CREM: variants seen among roughly 807,000 people sequenced by gnomAD.
CREM encodes cAMP responsive element modulator.
CREM carries 13 observed loss-of-function variants against 37.3 expected under a neutral mutation model. The ratio of observed to expected loss-of-function variants is 0.35; its 90% confidence interval spans 0.23 to 0.55. The LOEUF is 0.55. Ranked by LOEUF, CREM falls within the 20% of genes least tolerant of loss-of-function variation. CREM has a pLI of 0.88. For synonymous variants in CREM, 124 were observed against 120.2 expected (o/e 1.03, Z -0.21); for missense variants, 296 against 362.3 (o/e 0.82, Z 1.49).
chr10:35,180,129 T>A lies in CREM; in HGVS notation c.409+853T>A, dbSNP rs538785712. On this transcript the variant is annotated intron_variant, in intron 5 of 7. Transcript: ENST00000685392. ...ATGAAGTAAAGTGAGTTTTGTAAAC[T>A]CTGCTACCCTAGGTCCTCAAAGTAA... Among the ~76,000 whole-genome samples, 32 of 152,328 alleles carry A rather than the reference T, an allele frequency of 2.1e-4. No homozygotes were observed. The East Asian group carries it at 2.9e-3, about 14-fold the overall frequency.
At chr10:35,165,056 C>CAAAAAAAAAAA (rs60898349) in intron 3 of CREM, among the ~76,000 whole-genome samples, 6 of 74,846 alleles carry the variant, frequency 8.0e-5, no homozygotes, top group Admixed American at 1.6e-4. Context: ...GGCTCCATCT[C>CAAAAAAAAAAA]AAAAAAAAAA....
intron 5 of CREM, among the ~76,000 whole-genome samples, chr10:35,186,552 C>T (rs186696476): frequency 2.9e-4 from 43 of 149,288 alleles, no homozygotes; most frequent in Admixed American, 2.2e-3. Context: ...GACAAAATGG[C>T]AAAGGTTACA....
chr10:35,167,711 T>A (rs761778762), intron 3 of CREM: 4 of 1,613,214 alleles, frequency 2.5e-6, no homozygotes, highest in Non-Finnish European at 2.5e-6. Context: ...CTGTTTATAG[T>A]GGGATTTTTG....
chr10:35,179,380 G>A (rs769653394), intron 5 of CREM, 104 bp downstream of exon 5: 1 of 1,304,358 alleles, frequency 7.7e-7, no homozygotes, highest in South Asian at 1.6e-5. Flanking sequence ...ATTTTAAAAT[G>A]CATCATTAAT....
intron 2 of CREM, among the ~76,000 whole-genome samples, chr10:35,139,194 C>T (rs2091081070): frequency 6.6e-6 from 1 of 151,338 alleles, no homozygotes; most frequent in African/African-American, 2.4e-5. Flanking sequence ...AATCTTGGCT[C>T]ACTGCAACCT....
At chr10:35,190,477 C>G (rs1436063982) in intron 6 of CREM, among the ~76,000 whole-genome samples, 3 of 152,140 alleles carry the variant, frequency 2.0e-5, no homozygotes, top group African/African-American at 7.2e-5. Context: ...TCTGATTCAT[C>G]TTTTTCTGAA....
intron 5 of CREM, 73 bp downstream of exon 5, chr10:35,179,349 GT>G: frequency 6.5e-7 from 1 of 1,539,708 alleles, no homozygotes; most frequent in Non-Finnish European, 8.8e-7. Context: ...AGCAACTCAG[GT>G]TTTGGCATTA....
At chr10:35,167,464 T>C in intron 3 of CREM, 2 of 441,558 alleles carry the variant, frequency 4.5e-6, no homozygotes, top group Non-Finnish European at 8.0e-6. Context: ...CTTTATTGTC[T>C]TGAATGCAGG....
intron 3 of CREM, among the ~76,000 whole-genome samples, chr10:35,152,837 T>G (rs1471107012): frequency 6.6e-6 from 1 of 152,206 alleles, no homozygotes; most frequent in Admixed American, 6.5e-5. Flanking sequence ...GAAATAATAT[T>G]GTTTTTAAAT....
At chr10:35,157,813 T>TA (rs972146196) in intron 3 of CREM, among the ~76,000 whole-genome samples, 3 of 151,784 alleles carry the variant, frequency 2.0e-5, no homozygotes, top group Non-Finnish European at 2.9e-5. Context: ...TGAAAACCTT[T>TA]AAAAAAAGGA....
At chr10:35,208,218 A>G (rs947549214) in intron 7 of CREM, among the ~76,000 whole-genome samples, 1 of 152,222 alleles carries the variant, frequency 6.6e-6, no homozygotes. Flanking sequence ...AATAACAAAA[A>G]GAATTAAAAT....
intron 3 of CREM, among the ~76,000 whole-genome samples, chr10:35,173,915 G>T (rs1470808489): frequency 6.6e-6 from 1 of 152,232 alleles, no homozygotes; most frequent in Non-Finnish European, 1.5e-5. Context: ...GTTGTGAGGA[G>T]AAAGAGTTAT....
chr10:35,171,718 C>T (rs749305844), intron 3 of CREM, among the ~76,000 whole-genome samples: 4 of 152,120 alleles, frequency 2.6e-5, no homozygotes, highest in Non-Finnish European at 5.9e-5. Context: ...GGGTTTCCCC[C>T]GCTATAGTTT....
At chr10:35,129,466 A>G (rs987507664) in intron 1 of CREM, among the ~76,000 whole-genome samples, 1 of 152,190 alleles carries the variant, frequency 6.6e-6, no homozygotes, top group African/African-American at 2.4e-5. Flanking sequence ...AATTATTAAC[A>G]TATATAAGGA....
intron 5 of CREM, among the ~76,000 whole-genome samples, chr10:35,186,791 T>C (rs1398435677): frequency 7.9e-6 from 1 of 126,462 alleles, no homozygotes; most frequent in Non-Finnish European, 1.6e-5. Context: ...ATATATAACA[T>C]AATTATGTTA....
chr10:35,169,368 T>A (rs1388629422), intron 3 of CREM, among the ~76,000 whole-genome samples: 1 of 152,222 alleles, frequency 6.6e-6, no homozygotes, highest in Non-Finnish European at 1.5e-5. Flanking sequence ...CAATTGTGAA[T>A]GGGAGTTCAC....
At chr10:35,155,014 T>G (rs2092809380) in intron 3 of CREM, among the ~76,000 whole-genome samples, 1 of 152,200 alleles carries the variant, frequency 6.6e-6, no homozygotes, top group South Asian at 2.1e-4. Context: ...CAGTAGTGTA[T>G]TAAAGGTGAC....
At chr10:35,191,182 C>T (rs1306714933) in intron 6 of CREM, among the ~76,000 whole-genome samples, 1 of 151,380 alleles carries the variant, frequency 6.6e-6, no homozygotes. Context: ...TTAGTTGGTT[C>T]CTAAGTACTT....
In CREM at chr10:35,212,021, A is replaced by G. The variant is rs2095670744; in HGVS notation, c.*623A>G. On this transcript the variant is annotated 3_prime_UTR_variant, in exon 8 of 8. Transcript: ENST00000685392. ...CTGTAAAAAATGTGTGTATTCTTAAAATGCAATATTTGTAAGGCTTGTTCC... is the reference window on the plus strand; with the variant it reads ...CTGTAAAAAATGTGTGTATTCTTAAGATGCAATATTTGTAAGGCTTGTTCC... 9.2e-6 allele frequency: 4 copies of G among 433,214 alleles called. No homozygotes were observed. The highest frequency in any genetic ancestry group is 8.1e-5 in the Admixed American group (2 of 24,816). 26.8% of individuals were successfully genotyped at this position (433,214 alleles called of 1,614,324 possible).
Sources: gnomAD v4.1 joint callset for allele counts (sites outside exome capture counted in the v4.1 genomes callset) on GRCh38, gnomAD v4.1.1 for gene constraint, MANE v1.5 for transcripts, NCBI Gene and HGNC (gene_info 2026-07-23, HGNC 2026-07-21) for gene names.